Variants in FNTB observed in about 807,000 individuals in gnomAD.
FNTB encodes the protein farnesyltransferase, CAAX box, subunit beta, also known as protein farnesyltransferase subunit beta.
In FNTB, 27 loss-of-function variants were observed where a neutral mutation model predicts 59.4. The observed-to-expected ratio is 0.45, with a 90% CI of 0.34 to 0.63. FNTB has a LOEUF of 0.63. Ranked by LOEUF, FNTB falls within the 20% of genes least tolerant of loss-of-function variation. The pLI, the probability that FNTB is intolerant of heterozygous loss-of-function variation, is 0.02. For missense variants in FNTB, 449 were observed against 559.6 expected (o/e 0.80, Z 1.99); for synonymous variants, 230 against 220.7 (o/e 1.04, Z -0.37).
At position 64,991,696 on chromosome 14, in the gene FNTB, C is replaced by T. The variant is rs1888203862; in HGVS notation, c.144+4599C>T. Among the ~76,000 whole-genome samples, 1 of 152,126 alleles carries T rather than the reference C, an allele frequency of 6.6e-6. No homozygotes were observed. The highest frequency in any genetic ancestry group is 6.5e-5 in the Admixed American group (1 of 15,274). ...ACGAGGATTTTGGGGAGTTGAAAAG[C>T]CATCTGTGTGGGCTGAGGTGGTCAG... On this transcript the variant is annotated intron_variant, in intron 1 of 11. Transcript: ENST00000246166. The surrounding 1 kb of genome is among the most constrained non-coding windows in gnomAD (Gnocchi z 4.4).
rs1177663239 is a variant in FNTB at position 64,989,490 on chromosome 14, AGCAAGACCCTG to A, written c.144+2394_144+2404del. ...ATTTTGGTACTGGCCTGGGCAACAT[AGCAAGACCCTG>A]TGTCTATTTAAGATGAAAGCTTTTC... On this transcript the variant is annotated intron_variant, in intron 1 of 11. Coordinates refer to ENST00000246166, the MANE Select transcript of FNTB (RefSeq NM_002028.4). Among the ~76,000 whole-genome samples the A allele has an allele frequency of 2.0e-3, 298 of 152,138 alleles. 2 individuals are homozygous for A. Among genetic ancestry groups the A allele is most frequent in the African/African-American group, 6.9e-3 (285 of 41,512 alleles).
At chr14:65,022,565 C>T (rs558089609) in intron 4 of FNTB, among the ~76,000 whole-genome samples, 1 of 152,014 alleles carries the variant, frequency 6.6e-6, no homozygotes, top group Non-Finnish European at 1.5e-5. Context: ...TAAGGTCTCG[C>T]TGTATTGCCT....
chr14:65,051,946 C>T (rs531407002), intron 9 of FNTB, among the ~76,000 whole-genome samples: 73 of 152,030 alleles, frequency 4.8e-4, no homozygotes, highest in Middle Eastern at 3.4e-3. Context: ...AGGCGCCCAC[C>T]ACCATGTCCG....
At chr14:65,043,283 C>G (rs927975340) in intron 8 of FNTB, among the ~76,000 whole-genome samples, 20 of 152,190 alleles carry the variant, frequency 1.3e-4, no homozygotes, top group African/African-American at 4.8e-4. Context: ...GTTTAGAAAA[C>G]TTGTAGATAA....
chr14:65,018,850 C>G (rs1395017312), intron 4 of FNTB, among the ~76,000 whole-genome samples: 1 of 150,358 alleles, frequency 6.7e-6, no homozygotes, highest in Non-Finnish European at 1.5e-5. Context: ...GTGGCTCACA[C>G]CTGTAATCCC....
chr14:65,005,478 TTTCTTTC>T (rs2061568695), intron 2 of FNTB, among the ~76,000 whole-genome samples: 1 of 135,272 alleles, frequency 7.4e-6, no homozygotes, highest in East Asian at 2.5e-4. Context: ...TCTTTCTTTC[TTTCTTTC>T]TTTCTTTCTT....
Position 65,027,832 on chromosome 14 carries a change from CT to C in FNTB, c.605+52del, listed in dbSNP as rs1455836290. ...CACATCAGTTGACTCTAGAGCTCAT[CT>C]GCCATTAGAGATGCCAAGCCTAAGG... On this transcript the variant is annotated intron_variant, in intron 6 of 11. Coordinates refer to ENST00000246166, the MANE Select transcript of FNTB (RefSeq NM_002028.4). This position sits in a 1 kb window ranked among gnomAD's most constrained non-coding sequence, Gnocchi z 5.7. 1.2e-6 allele frequency: 2 copies of C among 1,610,488 alleles called. No individual in the cohort carries two copies. Among genetic ancestry groups the C allele is most frequent in the African/African-American group, 2.7e-5 (2 of 74,834 alleles).
chr14:65,053,626 T>TAAAAAAAAACAAAAA (rs201689378), intron 10 of FNTB, among the ~76,000 whole-genome samples: 1 of 144,324 alleles, frequency 6.9e-6, no homozygotes, highest in Non-Finnish European at 1.5e-5. Context: ...TTCTTTTTTT[T>TAAAAAAAAACAAAAA]AAAAAAAACA....
rs1335177905 is a variant in FNTB at position 65,047,157 on chromosome 14, G to A, written c.955+2714G>A. Among the ~76,000 whole-genome samples, 4 of 152,316 alleles carry A rather than the reference G, an allele frequency of 2.6e-5. No homozygotes were observed. The highest frequency in any genetic ancestry group is 4.1e-4 in the South Asian group (2 of 4,830). On this transcript the variant is annotated intron_variant, in intron 9 of 11. Coordinates refer to ENST00000246166, the MANE Select transcript of FNTB (RefSeq NM_002028.4). This position sits in a 1 kb window ranked among gnomAD's most constrained non-coding sequence, Gnocchi z 5.2. ...TACAACTGCCACTACTACTGGTAGC[G>A]GAGTCTTCCCAAGCCCTCACTGTAT...
chr14:65,050,285 C>T (rs2062576965), intron 9 of FNTB, among the ~76,000 whole-genome samples: 1 of 152,110 alleles, frequency 6.6e-6, no homozygotes, highest in Non-Finnish European at 1.5e-5. Flanking sequence ...ATTTTAATTG[C>T]TGATAACTTT....
chr14:65,043,311 C>T (rs930839033), intron 8 of FNTB, among the ~76,000 whole-genome samples: 4 of 152,114 alleles, frequency 2.6e-5, no homozygotes, highest in South Asian at 2.1e-4. Flanking sequence ...ATGGTGGTAT[C>T]GTGTGTGACC....
chr14:65,048,061 C>T (rs1324413650), intron 9 of FNTB, among the ~76,000 whole-genome samples: 2 of 138,964 alleles, frequency 1.4e-5, no homozygotes, highest in African/African-American at 5.4e-5. Flanking sequence ...AATCTCGGCT[C>T]ACTGTAGCCT....
At position 65,027,344 on chromosome 14, in the gene FNTB, C is replaced by A. The variant is rs958477053; in HGVS notation, c.375-109C>A. 6.6e-7 allele frequency: 1 copy of A among 1,524,526 alleles called. No homozygotes were observed. Among genetic ancestry groups the A allele is most frequent in the East Asian group, 2.3e-5 (1 of 44,282 alleles). The allele number at this position is 1,524,526 out of a possible 1,614,324, so 94.4% of individuals were successfully genotyped here. A position where few individuals can be genotyped will look rare whatever the true frequency, so the allele number is the denominator to read the frequency against. On this transcript the variant is annotated intron_variant, in intron 4 of 11. Transcript: ENST00000246166. The surrounding 1 kb of genome is among the most constrained non-coding windows in gnomAD (Gnocchi z 5.7). The stretch of plus-strand genomic sequence containing the variant: ...AAGTGGGAGGAGAGGTTCCCCTCAA[C>A]TTTTGAGGGAGTGGGGGATCATTGG...
chr14:64,995,373 A>G (rs1888354136), intron 1 of FNTB, among the ~76,000 whole-genome samples: 1 of 152,184 alleles, frequency 6.6e-6, no homozygotes, highest in Non-Finnish European at 1.5e-5. Context: ...GTAGTTGTTT[A>G]TTATCATTAT....
intron 10 of FNTB, among the ~76,000 whole-genome samples, chr14:65,053,750 A>G (rs1388059260): frequency 6.6e-6 from 1 of 152,214 alleles, no homozygotes; most frequent in Non-Finnish European, 1.5e-5. Flanking sequence ...ATTAAGCTCA[A>G]ATCTGAGATG....
rs1340174612 is a variant in FNTB at position 65,027,186 on chromosome 14, C to T, written c.375-267C>T. ...ACTCTTACCCCATAGCTACGAAAGT[C>T]GGTTTCTTCCCAGCCTTGTGTTCCC... On this transcript the variant is annotated intron_variant, in intron 4 of 11. Transcript: ENST00000246166. This position sits in a 1 kb window ranked among gnomAD's most constrained non-coding sequence, Gnocchi z 5.7. 1.3e-5 allele frequency among the ~76,000 whole-genome samples: 2 copies of T among 152,184 alleles called. No homozygotes were observed. The highest frequency in any genetic ancestry group is 2.9e-5 in the Non-Finnish European group (2 of 68,030).
rs947664128 is a variant in FNTB, at chr14:65,059,062, A to ACTCATGCTGGAGTACAGTG, written c.1183-2116_1183-2098dup. ...TTCAGAGACATGATCTCACTCTGTC[A>ACTCATGCTGGAGTACAGTG]CTCATGCTGGAGTACAGTGCTGTGA... On this transcript the variant is annotated intron_variant, in intron 11 of 11. Coordinates refer to ENST00000246166, the MANE Select transcript of FNTB (RefSeq NM_002028.4). Among the ~76,000 whole-genome samples, 6 of 152,010 alleles carry ACTCATGCTGGAGTACAGTG rather than the reference A, an allele frequency of 3.9e-5. No homozygotes were observed. In the East Asian group the frequency reaches 7.7e-4, roughly 20 times the overall value.
intron 1 of FNTB, among the ~76,000 whole-genome samples, chr14:64,988,580 G>A (rs779059254): frequency 4.6e-5 from 7 of 151,174 alleles, no homozygotes; most frequent in Non-Finnish European, 1.0e-4. Context: ...GACTACAGGC[G>A]CCCACCACCA....
chr14:65,061,147 G>A (rs937665278), intron 11 of FNTB, 34 bp from the exon 12 acceptor site: 3 of 1,612,514 alleles, frequency 1.9e-6, no homozygotes, highest in East Asian at 4.5e-5. Context: ...GGACCACCGG[G>A]GTGATTAACT....
Sources: allele counts gnomAD v4.1 joint callset (sites outside exome capture counted in the v4.1 genomes callset), GRCh38; gene constraint gnomAD v4.1.1; non-coding constraint Gnocchi (gnomAD v3.1); transcripts MANE v1.5; gene names NCBI Gene and HGNC (gene_info 2026-07-23, HGNC 2026-07-21).